UTRN: variants seen among roughly 807,000 people sequenced by gnomAD.
UTRN encodes the protein utrophin.
UTRN carries 283 observed loss-of-function variants against 463.9 expected under a neutral mutation model. The observed-to-expected ratio is 0.61, with a 90% CI of 0.55 to 0.67. The LOEUF (loss-of-function observed/expected upper bound fraction) is 0.67, where lower values mean the gene tolerates loss of function less well. Among genes scored for constraint, UTRN ranks in the 30% least tolerant of loss-of-function variants. UTRN has a pLI of 0.00. For missense variants in UTRN, 3,922 were observed against 4,084.3 expected (o/e 0.96, Z 1.08); for synonymous variants, 1,442 against 1,431.5 (o/e 1.01, Z -0.17).
At chr6:144,622,193 T>TG (rs1554308649) in intron 51 of UTRN, among the ~76,000 whole-genome samples, 2 of 137,652 alleles carry the variant, frequency 1.5e-5, no homozygotes, top group African/African-American at 5.5e-5. Flanking sequence ...TGTTTTTTTT[T>TG]TTTTTTTTTT....
intron 51 of UTRN, among the ~76,000 whole-genome samples, chr6:144,651,028 C>T (rs1471778116): frequency 6.6e-6 from 1 of 151,738 alleles, no homozygotes; most frequent in Non-Finnish European, 1.5e-5. Flanking sequence ...AACAAGTTTT[C>T]TTTGTGGTAA....
At chr6:144,802,975 C>CCA in intron 64 of UTRN, 61 bp from the exon 65 acceptor site, 1 of 1,195,348 alleles carries the variant, frequency 8.4e-7, no homozygotes, top group Admixed American at 2.9e-5. Context: ...AAATTTCTTA[C>CCA]CACAAATTTA....
intron 34 of UTRN, among the ~76,000 whole-genome samples, chr6:144,501,981 C>T (rs1794228078): frequency 6.6e-6 from 1 of 152,076 alleles, no homozygotes; most frequent in South Asian, 2.1e-4. Flanking sequence ...CATTTTTTAT[C>T]ACCAAATTGG....
intron 2 of UTRN, among the ~76,000 whole-genome samples, chr6:144,335,406 G>C (rs1294964981): frequency 2.0e-5 from 3 of 152,166 alleles, no homozygotes; most frequent in Non-Finnish European, 4.4e-5. Context: ...TTAATAACAG[G>C]TTGTTTGTGC....
chr6:144,657,107 A>G (rs183686919), intron 51 of UTRN, among the ~76,000 whole-genome samples: 16 of 152,178 alleles, frequency 1.1e-4, no homozygotes, highest in African/African-American at 3.9e-4. Flanking sequence ...AAAATTAGCC[A>G]GGCGTGGTGG....
chr6:144,530,005 T>C (rs962405480), intron 41 of UTRN, among the ~76,000 whole-genome samples: 2 of 152,216 alleles, frequency 1.3e-5, no homozygotes, highest in Non-Finnish European at 2.9e-5. Flanking sequence ...AACAGAAATC[T>C]CAATAGCCCT....
Position 144,482,129 on chromosome 6 carries a change from T to C in UTRN, c.3508-80T>C. 10 of 1,304,190 alleles carry C rather than the reference T, an allele frequency of 7.7e-6. No individual in the cohort carries two copies. The South Asian group carries it at 1.8e-4, about 23-fold the overall frequency. The allele number at this position is 1,304,190 out of a possible 1,614,324, so 80.8% of individuals were successfully genotyped here. A position where few individuals can be genotyped will look rare whatever the true frequency, so the allele number is the denominator to read the frequency against. On this transcript the variant is annotated intron_variant, in intron 26 of 74. Coordinates refer to ENST00000367545, the MANE Select transcript of UTRN (RefSeq NM_007124.3). ...GATGTTTTAACTTTGGTTTAATTCTTGAAAAAAAAAGAAAGAAAAGAAATT... is the reference window on the plus strand; with the variant it reads ...GATGTTTTAACTTTGGTTTAATTCTCGAAAAAAAAAGAAAGAAAAGAAATT...
chr6:144,824,345 A>C (rs1325006075), intron 66 of UTRN, among the ~76,000 whole-genome samples: 1 of 151,106 alleles, frequency 6.6e-6, no homozygotes, highest in African/African-American at 2.4e-5. Context: ...GTCTAATGAC[A>C]ATTTAAGGCA....
chr6:144,828,970 G>A, intron 69 of UTRN, 115 bp downstream of exon 69: 1 of 1,206,668 alleles, frequency 8.3e-7, no homozygotes, highest in Non-Finnish European at 1.2e-6. Flanking sequence ...AAATTATTAA[G>A]TGTGGTTCCA....
chr6:144,728,027 G>A (rs1377225826), intron 53 of UTRN, among the ~76,000 whole-genome samples: 2 of 150,352 alleles, frequency 1.3e-5, no homozygotes, highest in African/African-American at 4.9e-5. Flanking sequence ...TTGAACCTGA[G>A]AGGCAGAGGT....
chr6:144,294,485 A>T (rs1173092842), intron 2 of UTRN, among the ~76,000 whole-genome samples: 1 of 152,176 alleles, frequency 6.6e-6, no homozygotes, highest in Admixed American at 6.5e-5. Flanking sequence ...TATTTTAAAG[A>T]TCCTCTGTCT....
intron 71 of UTRN, among the ~76,000 whole-genome samples, chr6:144,838,494 T>C (rs1354853809): frequency 6.6e-6 from 1 of 152,246 alleles, no homozygotes; most frequent in Non-Finnish European, 1.5e-5. Flanking sequence ...TGGCTCACAC[T>C]TTCTAATTTG....
intron 2 of UTRN, among the ~76,000 whole-genome samples, chr6:144,324,877 T>G (rs567396528): frequency 6.6e-6 from 1 of 152,174 alleles, no homozygotes; most frequent in Non-Finnish European, 1.5e-5. Context: ...AGCCCTCTGA[T>G]TGAAAGTTGC....
chr6:144,534,150 T>G lies in UTRN; in HGVS notation c.6233+890T>G, dbSNP rs1183647254. ...GTATCATGTGACCTACAGTTGCTTTTCATTTAAAAAATCTATTATTTTGTG... is the reference window on the plus strand; with the variant it reads ...GTATCATGTGACCTACAGTTGCTTTGCATTTAAAAAATCTATTATTTTGTG... On this transcript the variant is annotated intron_variant, in intron 43 of 74. Transcript: ENST00000367545. Among the ~76,000 whole-genome samples, 5 of 152,356 alleles carry G rather than the reference T, an allele frequency of 3.3e-5. No homozygotes were observed. The East Asian group carries it at 9.6e-4, about 29-fold the overall frequency.
At chr6:144,324,549 C>T (rs1198306397) in intron 2 of UTRN, among the ~76,000 whole-genome samples, 1 of 152,120 alleles carries the variant, frequency 6.6e-6, no homozygotes, top group South Asian at 2.1e-4. Flanking sequence ...AGCAAGACTA[C>T]CTTTTGGAAT....
At chr6:144,519,467 C>T (rs574601323) in intron 39 of UTRN, among the ~76,000 whole-genome samples, 8 of 152,264 alleles carry the variant, frequency 5.3e-5, no homozygotes, top group South Asian at 4.1e-4. Flanking sequence ...ATGTGAGCTA[C>T]GTCATGTAAC....
chr6:144,489,853 G>A (rs372701129), intron 30 of UTRN, among the ~76,000 whole-genome samples: 23 of 151,150 alleles, frequency 1.5e-4, no homozygotes, highest in East Asian at 1.0e-3. Flanking sequence ...AACTCCTGAT[G>A]TCGTGATCCA....
intron 23 of UTRN, among the ~76,000 whole-genome samples, chr6:144,467,462 T>C (rs145874749): frequency 1.3e-3 from 197 of 152,334 alleles, no homozygotes; most frequent in African/African-American, 4.6e-3. Context: ...GTGAATGTAA[T>C]TGATGTGTCC....
At chr6:144,701,888 A>G (rs951634302) in intron 53 of UTRN, among the ~76,000 whole-genome samples, 1 of 152,204 alleles carries the variant, frequency 6.6e-6, no homozygotes, top group African/African-American at 2.4e-5. Flanking sequence ...GGAATATGAT[A>G]GAGAAATAGC....
Sources: gnomAD v4.1 joint callset for allele counts (sites outside exome capture counted in the v4.1 genomes callset) on GRCh38, gnomAD v4.1.1 for gene constraint, MANE v1.5 for transcripts, NCBI Gene and HGNC (gene_info 2026-07-23, HGNC 2026-07-21) for gene names.